The following MBNL2 variants were observed in gnomAD, a reference collection of about 807,000 sequenced individuals.
MBNL2 encodes the protein muscleblind-like protein 2.
In MBNL2, 17 loss-of-function variants were observed where a neutral mutation model predicts 41.9. The ratio of observed to expected loss-of-function variants is 0.41; its 90% CI spans 0.28 to 0.61. MBNL2 has a LOEUF of 0.61. Among genes scored for constraint, MBNL2 ranks in the 20% least tolerant of loss-of-function variants. The pLI is 0.35. For missense variants in MBNL2, 336 were observed against 505.6 expected (o/e 0.66, Z 3.22); for synonymous variants, 195 against 182.9 (o/e 1.07, Z -0.53).
intron 1 of MBNL2, among the ~76,000 whole-genome samples, chr13:97,244,269 A>G (rs2044971340): frequency 6.6e-6 from 1 of 152,244 alleles, no homozygotes; most frequent in Non-Finnish European, 1.5e-5. Flanking sequence ...CAATGAATTT[A>G]AGTTTTCATG....
chr13:97,379,070 T>C (rs2065203275), intron 8 of MBNL2, among the ~76,000 whole-genome samples: 1 of 152,182 alleles, frequency 6.6e-6, no homozygotes, highest in Admixed American at 6.5e-5. Context: ...CAGTGTAGGC[T>C]TGGGATGAAC....
chr13:97,290,067 GTC>G (rs1461339085), intron 2 of MBNL2, among the ~76,000 whole-genome samples: 1 of 152,202 alleles, frequency 6.6e-6, no homozygotes. Flanking sequence ...TCCTATAAAA[GTC>G]TCCCCATTGC....
At chr13:97,267,324 T>C (rs1043856813) in intron 1 of MBNL2, among the ~76,000 whole-genome samples, 11 of 152,156 alleles carry the variant, frequency 7.2e-5, no homozygotes, top group Non-Finnish European at 1.6e-4. Context: ...TTAGAAGAGT[T>C]CTTAAATACA....
intron 1 of MBNL2, among the ~76,000 whole-genome samples, chr13:97,259,612 C>T (rs2048227348): frequency 6.6e-6 from 1 of 152,190 alleles, no homozygotes; most frequent in African/African-American, 2.4e-5. Context: ...CCAAACTCAG[C>T]CGAGCTGGTA....
At chr13:97,191,096 TAA>T in the MBNL2 span, among the ~76,000 whole-genome samples, 1 of 151,996 alleles carries the variant, frequency 6.6e-6, no homozygotes, top group Non-Finnish European at 1.5e-5. Flanking sequence ...GGTCTGATTT[TAA>T]AAAAAGAGTT....
At position 97,358,529 on chromosome 13, in the gene MBNL2, A is replaced by G. The variant is rs546957075; in HGVS notation, c.1012+894A>G. On this transcript the variant is annotated intron_variant, in intron 7 of 8. Coordinates refer to ENST00000679496, the MANE Select transcript of MBNL2 (RefSeq NM_001382683.1). ...CAAAAAGTCAGATAAAAGTAAAAAA[A>G]CAAAAGTATAAATCATGTCATCCCT... Among the ~76,000 whole-genome samples, 25 of 152,354 alleles carry G rather than the reference A, an allele frequency of 1.6e-4. No individual in the cohort carries two copies. In the South Asian group the frequency reaches 4.6e-3, roughly 28 times the overall value.
At chr13:97,207,667 A>G in the MBNL2 span, among the ~76,000 whole-genome samples, 1 of 151,994 alleles carries the variant, frequency 6.6e-6, no homozygotes, top group Non-Finnish European at 1.5e-5. Flanking sequence ...ATATAATTCC[A>G]CCCCTGGCCC....
chr13:97,155,003 T>C, the MBNL2 span, among the ~76,000 whole-genome samples: 1 of 152,298 alleles, frequency 6.6e-6, no homozygotes, highest in South Asian at 2.1e-4. Context: ...ATGACTCCTA[T>C]GCAGTCAGAA....
intron 5 of MBNL2, among the ~76,000 whole-genome samples, chr13:97,347,407 C>T (rs920515264): frequency 6.6e-6 from 1 of 152,080 alleles, no homozygotes; most frequent in South Asian, 2.1e-4. Flanking sequence ...AGGTGGGCAC[C>T]GCTTCGGAGA....
chr13:97,350,509 T>G (rs935487902), intron 5 of MBNL2, among the ~76,000 whole-genome samples: 1 of 152,192 alleles, frequency 6.6e-6, no homozygotes, highest in African/African-American at 2.4e-5. Context: ...TTGCTCAGAG[T>G]AGAACTTCTT....
intron 8 of MBNL2, among the ~76,000 whole-genome samples, chr13:97,374,430 A>C (rs1258617864): frequency 6.6e-6 from 1 of 150,826 alleles, no homozygotes. Flanking sequence ...TACAGACGTG[A>C]GCCACCGCGC....
upstream of MBNL2, among the ~76,000 whole-genome samples, chr13:97,220,306 A>G (rs368299966): frequency 6.6e-6 from 1 of 152,214 alleles, no homozygotes; most frequent in East Asian, 1.9e-4. Flanking sequence ...ACTACAGAAG[A>G]CTACATTGTT....
chr13:97,275,519 C>G (rs1332401805), intron 1 of MBNL2, 113 bp from the exon 2 acceptor site: 1 of 152,128 alleles, frequency 6.6e-6, no homozygotes, highest in East Asian at 1.9e-4. Context: ...ATACTCAAAG[C>G]TCAAAGCTCT....
intron 2 of MBNL2, among the ~76,000 whole-genome samples, chr13:97,329,717 A>C (rs376579129): frequency 0.051 from 14 of 272 alleles, no homozygotes; most frequent in African/African-American, 0.088. Context: ...GCACACATAC[A>C]ACATACACAA....
At chr13:97,369,566 G>T (rs772975226) in intron 8 of MBNL2, among the ~76,000 whole-genome samples, 1 of 152,152 alleles carries the variant, frequency 6.6e-6, no homozygotes, top group Admixed American at 6.5e-5. Flanking sequence ...GATCAATTCA[G>T]ACTGTCAGTT....
chr13:97,227,387 C>A (rs144865656), intron 1 of MBNL2, among the ~76,000 whole-genome samples: 7 of 152,110 alleles, frequency 4.6e-5, no homozygotes, highest in Admixed American at 4.6e-4. Context: ...GAAAATGCTG[C>A]GGCCGTTTGC....
At chr13:97,330,521 C>G (rs1450822210) in intron 2 of MBNL2, among the ~76,000 whole-genome samples, 1 of 152,220 alleles carries the variant, frequency 6.6e-6, no homozygotes, top group Non-Finnish European at 1.5e-5. Context: ...AAAAACAAAT[C>G]CTAGCTGCCA....
the MBNL2 span, among the ~76,000 whole-genome samples, chr13:97,198,635 A>T: frequency 2.0e-5 from 3 of 151,696 alleles, no homozygotes; most frequent in South Asian, 2.1e-4. Flanking sequence ...CTTCCCTTCC[A>T]CTCATTTTCT....
intron 2 of MBNL2, among the ~76,000 whole-genome samples, chr13:97,307,855 G>T (rs901423228): frequency 6.6e-6 from 1 of 152,184 alleles, no homozygotes; most frequent in African/African-American, 2.4e-5. Flanking sequence ...CGAGGGCACG[G>T]ATCGTATTTT....
Sources: gnomAD v4.1 joint callset for allele counts (sites outside exome capture counted in the v4.1 genomes callset) on GRCh38, gnomAD v4.1.1 for gene constraint, MANE v1.5 for transcripts, NCBI Gene and HGNC (gene_info 2026-07-23, HGNC 2026-07-21) for gene names.